IGFBP7: variants seen among roughly 807,000 people sequenced by gnomAD.
IGFBP7 encodes the protein insulin like growth factor binding protein 7, also known as insulin-like growth factor-binding protein 7.
A neutral mutation model predicts 29.4 loss-of-function variants in IGFBP7; 31 were observed. The ratio of observed to expected loss-of-function variants is 1.05; its 90% CI spans 0.79 to 1.42. The LOEUF (loss-of-function observed/expected upper bound fraction) is 1.42. Among genes scored for constraint, IGFBP7 ranks in the 40% most tolerant of loss-of-function variants. The pLI is 0.00. For missense variants in IGFBP7, 393 were observed against 395.5 expected (o/e 0.99, Z 0.05); for synonymous variants, 172 against 174.9 (o/e 0.98, Z 0.13).
At chr4:57,079,728 C>T (rs1399273725) in intron 1 of IGFBP7, among the ~76,000 whole-genome samples, 1 of 152,226 alleles carries the variant, frequency 6.6e-6, no homozygotes, top group Non-Finnish European at 1.5e-5. Flanking sequence ...CAGTTATCTT[C>T]TGTCCAACAT....
At chr4:57,034,435 A>C (rs1022945950) in intron 2 of IGFBP7, among the ~76,000 whole-genome samples, 1 of 151,966 alleles carries the variant, frequency 6.6e-6, no homozygotes, top group Non-Finnish European at 1.5e-5. Context: ...TATTGATATT[A>C]CCTTTGTAAT....
Position 57,091,639 on chromosome 4 carries a change from C to T in IGFBP7, c.475+18238G>A, listed in dbSNP as rs371323776. On this transcript the variant is annotated intron_variant, in intron 1 of 4. Transcript: ENST00000295666. ...GCTGTTACTGTTCCTATCTCCCAGTCGAATACGGGAATAATTCTGCCTGAA... is the reference window on the plus strand; with the variant it reads ...GCTGTTACTGTTCCTATCTCCCAGTTGAATACGGGAATAATTCTGCCTGAA... 9.2e-5 allele frequency among the ~76,000 whole-genome samples: 14 copies of T among 152,312 alleles called. No homozygotes were observed. The South Asian group carries it at 2.5e-3, about 27-fold the overall frequency.
intron 1 of IGFBP7, among the ~76,000 whole-genome samples, chr4:57,056,115 A>G (rs1724666970): frequency 6.6e-6 from 1 of 151,692 alleles, no homozygotes; most frequent in Non-Finnish European, 1.5e-5. Flanking sequence ...GCTCTTTCTC[A>G]GTGTTTTCCT....
intron 1 of IGFBP7, among the ~76,000 whole-genome samples, chr4:57,051,169 G>A (rs1724495144): frequency 1.3e-5 from 2 of 152,192 alleles, no homozygotes; most frequent in African/African-American, 4.8e-5. Flanking sequence ...CTATGGCCAA[G>A]ATGGGGAAGG....
chr4:57,052,215 C>T (rs1724521399), intron 1 of IGFBP7, among the ~76,000 whole-genome samples: 1 of 152,308 alleles, frequency 6.6e-6, no homozygotes, highest in South Asian at 2.1e-4. Context: ...TCAGGAAGAA[C>T]TAACACTACC....
intron 1 of IGFBP7, among the ~76,000 whole-genome samples, chr4:57,085,580 G>T (rs1382524281): frequency 2.0e-5 from 1 of 50,750 alleles, no homozygotes; most frequent in Non-Finnish European, 4.0e-5. Flanking sequence ...CAGATAGTCA[G>T]TTGTATGTAG....
intron 1 of IGFBP7, among the ~76,000 whole-genome samples, chr4:57,055,517 T>A (rs1329819641): frequency 6.6e-6 from 1 of 152,112 alleles, no homozygotes; most frequent in Non-Finnish European, 1.5e-5. Context: ...CAAGTACTAC[T>A]TGGGAGGTGC....
At chr4:57,087,114 C>T (rs1725517253) in intron 1 of IGFBP7, among the ~76,000 whole-genome samples, 2 of 152,174 alleles carry the variant, frequency 1.3e-5, no homozygotes, top group South Asian at 4.1e-4. Context: ...AACGGTAACC[C>T]CCTGGAAACT....
At chr4:57,062,450 A>G (rs1026065126) in intron 1 of IGFBP7, among the ~76,000 whole-genome samples, 1 of 152,182 alleles carries the variant, frequency 6.6e-6, no homozygotes, top group Non-Finnish European at 1.5e-5. Context: ...CCGGTCTGAA[A>G]TGTTTCTGAG....
chr4:57,051,501 T>C (rs890935133), intron 1 of IGFBP7, among the ~76,000 whole-genome samples: 4 of 152,210 alleles, frequency 2.6e-5, no homozygotes, highest in Admixed American at 6.5e-5. Context: ...GAAGAACCAA[T>C]AGTTTATAAT....
At chr4:57,051,299 G>A (rs1303514654) in intron 1 of IGFBP7, among the ~76,000 whole-genome samples, 1 of 152,240 alleles carries the variant, frequency 6.6e-6, no homozygotes, top group African/African-American at 2.4e-5. Flanking sequence ...GAGGCGGGAT[G>A]ATGTAGCAGC....
intron 1 of IGFBP7, among the ~76,000 whole-genome samples, chr4:57,091,022 G>A (rs1451115612): frequency 2.0e-5 from 3 of 152,126 alleles, no homozygotes; most frequent in East Asian, 1.9e-4. Flanking sequence ...AATTAACCAC[G>A]CATATAGGAA....
At chr4:57,079,861 C>T (rs964331457) in intron 1 of IGFBP7, among the ~76,000 whole-genome samples, 1 of 152,192 alleles carries the variant, frequency 6.6e-6, no homozygotes, top group South Asian at 2.1e-4. Flanking sequence ...GTATGCCAGG[C>T]ACAGTGCAGG....
chr4:57,074,256 T>C, intron 1 of IGFBP7, among the ~76,000 whole-genome samples: 1 of 152,202 alleles, frequency 6.6e-6, no homozygotes, highest in East Asian at 1.9e-4. Flanking sequence ...AGACGGGGTC[T>C]TGCCATGTTG....
At chr4:57,085,052 G>T (rs1485453927) in intron 1 of IGFBP7, among the ~76,000 whole-genome samples, 1 of 152,042 alleles carries the variant, frequency 6.6e-6, no homozygotes. Flanking sequence ...GATTCCCAAA[G>T]TGCTGGGATT....
At chr4:57,094,073 A>C (rs1437035180) in intron 1 of IGFBP7, among the ~76,000 whole-genome samples, 1 of 151,968 alleles carries the variant, frequency 6.6e-6, no homozygotes, top group East Asian at 1.9e-4. Context: ...TCTTATATTG[A>C]GTCTAACTCC....
chr4:57,064,531 A>G (rs1230423530), intron 1 of IGFBP7, among the ~76,000 whole-genome samples: 2 of 152,272 alleles, frequency 1.3e-5, no homozygotes, highest in African/African-American at 4.8e-5. Flanking sequence ...ATTTCCCAAC[A>G]TGAAGAAACT....
chr4:57,034,948 G>C (rs961192942), intron 2 of IGFBP7, among the ~76,000 whole-genome samples: 2 of 152,120 alleles, frequency 1.3e-5, no homozygotes, highest in African/African-American at 2.4e-5. Flanking sequence ...TGGCAGAAAC[G>C]GTTTATGCTA....
chr4:57,067,682 T>C (rs956786449), intron 1 of IGFBP7, among the ~76,000 whole-genome samples: 1 of 152,200 alleles, frequency 6.6e-6, no homozygotes, highest in Non-Finnish European at 1.5e-5. Flanking sequence ...TTATGTGTTT[T>C]CTATCACAAA....
Sources: allele counts gnomAD v4.1 joint callset (sites outside exome capture counted in the v4.1 genomes callset), GRCh38; gene constraint gnomAD v4.1.1; transcripts MANE v1.5; gene names NCBI Gene and HGNC (gene_info 2026-07-23, HGNC 2026-07-21).